The following PCDHGA7 variants were observed in gnomAD, a reference collection of about 807,000 sequenced individuals.
The protein encoded by PCDHGA7 is protocadherin gamma subfamily A, 7.
A neutral mutation model predicts 58.3 loss-of-function variants in PCDHGA7; 44 were observed. The observed-to-expected ratio is 0.75, with a 90% confidence interval of 0.59 to 0.97. The LOEUF (loss-of-function observed/expected upper bound fraction) is 0.97. Ranked by LOEUF, PCDHGA7 falls within the 50% of genes least tolerant of loss-of-function variation. The pLI, the probability that PCDHGA7 is intolerant of heterozygous loss-of-function variation, is 0.00. For synonymous variants in PCDHGA7, 516 were observed against 504.2 expected, an observed-to-expected ratio of 1.02 and a Z score of -0.31; for missense variants, 1,266 against 1,188.7, an observed-to-expected ratio of 1.06 and a Z score of -0.96.
Position 141,511,617 on chromosome 5 carries a change from C to T in PCDHGA7, c.*444C>T, listed in dbSNP as rs1562253545. The T allele has an allele frequency of 4.3e-6, 1 of 233,232 alleles. No homozygotes were observed. Among genetic ancestry groups the T allele is most frequent in the African/African-American group, 2.2e-5 (1 of 45,220 alleles). The allele number at this position is 233,232 out of a possible 1,614,324, so 14.4% of individuals were successfully genotyped here. A position where few individuals can be genotyped will look rare whatever the true frequency, so the allele number is the denominator to read the frequency against. Reference sequence around the variant, plus strand: ...CAAGTAACCTACAAGCCTCCTAGTTCTGAAAAGTTGGAAGGGCATCATGAC... The same window carrying T: ...CAAGTAACCTACAAGCCTCCTAGTTTTGAAAAGTTGGAAGGGCATCATGAC... On this transcript the variant is annotated 3_prime_UTR_variant, in exon 4 of 4. Coordinates refer to ENST00000518325, the MANE Select transcript of PCDHGA7 (RefSeq NM_018920.4).
At chr5:141,420,406 T>C (rs2096494414) in intron 1 of PCDHGA7, 1 of 1,241,672 alleles carries the variant, frequency 8.1e-7, no homozygotes, top group Non-Finnish European at 1.1e-6. Context: ...AATTTATGGT[T>C]ATCATTATTA....
rs773499765 is a variant in PCDHGA7 at position 141,489,626 on chromosome 5, A to T, written c.2425-5181A>T. 6.2e-6 allele frequency: 10 copies of T among 1,613,568 alleles called. No individual in the cohort carries two copies. In the South Asian group the frequency reaches 9.9e-5, roughly 16 times the overall value. On this transcript the variant is annotated intron_variant, in intron 1 of 3. Coordinates refer to ENST00000518325, the MANE Select transcript of PCDHGA7 (RefSeq NM_018920.4). The surrounding 1 kb of genome is among the most constrained non-coding windows in gnomAD (Gnocchi z 4.5). The stretch of plus-strand genomic sequence containing the variant: ...GTAGAGATCCTGGATCTCAATGACA[A>T]CTCTCCTAGCTTTGCCACCCCTGAG...
At chr5:141,502,093 G>C (rs1037154464) in intron 2 of PCDHGA7, among the ~76,000 whole-genome samples, 27 of 152,112 alleles carry the variant, frequency 1.8e-4, no homozygotes, top group Admixed American at 1.7e-3. Flanking sequence ...AGAACACCTG[G>C]CCTTGACCCT....
At chr5:141,480,414 C>CA (rs10712552) in intron 1 of PCDHGA7, among the ~76,000 whole-genome samples, 44 of 147,474 alleles carry the variant, frequency 3.0e-4, no homozygotes, top group Non-Finnish European at 4.4e-4. Context: ...GACCCTGTCT[C>CA]AAAAAAAAAA....
At position 141,484,465 on chromosome 5, in the gene PCDHGA7, A is replaced by G. The variant is rs2099596840; in HGVS notation, c.2425-10342A>G. On this transcript the variant is annotated intron_variant, in intron 1 of 3. Coordinates refer to ENST00000518325, the MANE Select transcript of PCDHGA7 (RefSeq NM_018920.4). ...ATTTAATTGGCTACGTTAATGTGTA[A>G]GCCTTTTCTGCAAAGAGATGGATCC... is the stretch of plus-strand genomic sequence containing the variant. Among the ~76,000 whole-genome samples, 4 of 152,236 alleles carry G rather than the reference A, an allele frequency of 2.6e-5. No individual in the cohort carries two copies. In the South Asian group the frequency reaches 6.2e-4, roughly 24 times the overall value.
chr5:141,434,727 A>C (rs1344107083), intron 1 of PCDHGA7, among the ~76,000 whole-genome samples: 1 of 152,052 alleles, frequency 6.6e-6, no homozygotes. Context: ...CAGGGCTCTC[A>C]GCTCTGAAGG....
In PCDHGA7 at chr5:141,486,070, T is replaced by G; in HGVS notation, c.2425-8737T>G. The G allele has an allele frequency of 6.2e-7, 1 of 1,614,158 alleles. No individual in the cohort carries two copies. Among genetic ancestry groups the G allele is most frequent in the Non-Finnish European group, 8.5e-7 (1 of 1,180,010 alleles). On this transcript the variant is annotated intron_variant, in intron 1 of 3. Coordinates refer to ENST00000518325, the MANE Select transcript of PCDHGA7 (RefSeq NM_018920.4). This position sits in a 1 kb window ranked among gnomAD's most constrained non-coding sequence, Gnocchi z 5.0. ...ACCTCTTTAGCCTGCACCCCACTAC[T>G]GGAAAGCTTACTCTTTTGGGGCCCC...
chr5:141,399,054 G>T (rs76381401), intron 1 of PCDHGA7: 1 of 1,613,694 alleles, frequency 6.2e-7, no homozygotes, highest in South Asian at 1.1e-5. Context: ...AAGAGACCAA[G>T]GAATATTCAA....
At chr5:141,462,990 A>G (rs181384059) in intron 1 of PCDHGA7, among the ~76,000 whole-genome samples, 1 of 152,126 alleles carries the variant, frequency 6.6e-6, no homozygotes, top group Non-Finnish European at 1.5e-5. Flanking sequence ...GCCTTGGGCT[A>G]ATTTAGACCT....
chr5:141,383,225 T>C lies in PCDHGA7; in HGVS notation c.326T>C (p.Leu109Pro). 1 of 1,613,970 alleles carries C rather than the reference T, an allele frequency of 6.2e-7. No homozygotes were observed. Among genetic ancestry groups the C allele is most frequent in the Non-Finnish European group, 8.5e-7 (1 of 1,179,874 alleles). ...SARCLVNFNI[L>P]MEDKMNLYPI... is the part of the protein sequence containing the mutation. Reference sequence around the variant, plus strand: ...CGGTGTCTGGTAAACTTTAACATCCTGATGGAAGATAAAATGAATCTTTAC... The same window carrying C: ...CGGTGTCTGGTAAACTTTAACATCCCGATGGAAGATAAAATGAATCTTTAC... Residue 109 changes from leucine to proline, a missense_variant, in exon 1 of 4, where the codon CTG becomes CCG. Coordinates refer to ENST00000518325, the MANE Select transcript of PCDHGA7 (RefSeq NM_018920.4).
intron 1 of PCDHGA7, chr5:141,399,826 G>C (rs2093897872): frequency 1.2e-6 from 2 of 1,613,066 alleles, no homozygotes; most frequent in Non-Finnish European, 1.7e-6. Context: ...GGGTCCCGAC[G>C]GCTCTGCGCT....
chr5:141,457,806 G>A (rs1321207711), intron 1 of PCDHGA7, among the ~76,000 whole-genome samples: 1 of 152,150 alleles, frequency 6.6e-6, no homozygotes, highest in Non-Finnish European at 1.5e-5. Context: ...CTCCTCTTGA[G>A]GTCCCAAGAT....
At chr5:141,399,700 G>T (rs1354039219) in intron 1 of PCDHGA7, 1 of 1,613,422 alleles carries the variant, frequency 6.2e-7, no homozygotes. Flanking sequence ...GCGCACCTTC[G>T]AACTCACACT....
At chr5:141,505,085 C>A (rs954289918) in intron 2 of PCDHGA7, among the ~76,000 whole-genome samples, 1 of 152,162 alleles carries the variant, frequency 6.6e-6, no homozygotes, top group Non-Finnish European at 1.5e-5. Context: ...TCGCTTGAAC[C>A]CAGGAGGTGG....
intron 2 of PCDHGA7, 114 bp from the exon 3 acceptor site, chr5:141,505,279 C>T: frequency 6.5e-7 from 1 of 1,541,274 alleles, no homozygotes; most frequent in Non-Finnish European, 8.7e-7. Context: ...AGAAACAGGT[C>T]TTGGGCATGG....
At chr5:141,421,718 G>C (rs778263773) in intron 1 of PCDHGA7, 1 of 1,613,966 alleles carries the variant, frequency 6.2e-7, no homozygotes, top group Middle Eastern at 1.7e-4. Context: ...CCAGATGTGG[G>C]CGTGAACTCC....
rs746696159 is a variant in PCDHGA7 at position 141,383,050 on chromosome 5, G to T, written c.151G>T (p.Asp51Tyr). 23 of 1,613,778 alleles carry T rather than the reference G, an allele frequency of 1.4e-5. No individual in the cohort carries two copies. The Admixed American group carries it at 1.7e-4, about 12-fold the overall frequency. ...GTCCTTTGTGGGAGACATCGCCAAG[G>T]ACCTGGGGCTGGAGCCCCGGGAGCT... ...KGSFVGDIAK[D>Y]LGLEPRELAE... is the part of the protein sequence containing the mutation. The change falls in exon 1 of 4, where the codon GAC (aspartate) becomes TAC (tyrosine). Residue 51 changes from aspartate (D) to tyrosine (Y), a missense_variant. Physicochemically the swap from Asp to Tyr is radical, Grantham distance 160 (BLOSUM62 -3). Transcript: ENST00000518325.
chr5:141,495,752 C>G (rs1310125902), intron 2 of PCDHGA7, among the ~76,000 whole-genome samples: 1 of 152,150 alleles, frequency 6.6e-6, no homozygotes, highest in Non-Finnish European at 1.5e-5. Flanking sequence ...TTCTCTATCT[C>G]TGCCTCCCTG....
intron 2 of PCDHGA7, among the ~76,000 whole-genome samples, chr5:141,502,382 T>C (rs1668612742): frequency 1.3e-5 from 2 of 152,088 alleles, no homozygotes; most frequent in Non-Finnish European, 2.9e-5. Context: ...CCAGGCCAGT[T>C]GTACTTTAAA....
Sources: gnomAD v4.1 joint callset for allele counts (sites outside exome capture counted in the v4.1 genomes callset) on GRCh38, gnomAD v4.1.1 for gene constraint, Gnocchi (gnomAD v3.1) non-coding constraint, MANE v1.5 for transcripts, NCBI Gene and HGNC (gene_info 2026-07-23, HGNC 2026-07-21) for gene names.